KCNQ5: variants seen among roughly 807,000 people sequenced by gnomAD.
KCNQ5 encodes the protein potassium voltage-gated channel subfamily KQT member 5.
Under a neutral mutation model 98.2 loss-of-function variants are expected in KCNQ5, and 30 were observed. The ratio of observed to expected loss-of-function variants is 0.31; its 90% CI spans 0.23 to 0.41. The LOEUF (loss-of-function observed/expected upper bound fraction) is 0.41, where lower values mean the gene tolerates loss of function less well. KCNQ5 is among the 10% of genes least tolerant of loss of function. KCNQ5 has a pLI of 1.00. For synonymous variants in KCNQ5, 458 were observed against 449.4 expected (o/e 1.02, Z -0.24); for missense variants, 835 against 1,182.5 (o/e 0.71, Z 4.31).
chr6:72,864,013 A>AGGGATTGCAGC (rs1299624722), intron 1 of KCNQ5, among the ~76,000 whole-genome samples: 3 of 152,154 alleles, frequency 2.0e-5, no homozygotes, highest in African/African-American at 7.2e-5. Context: ...GGCATTGCAG[A>AGGGATTGCAGC]GGGATTGCAG....
At chr6:72,972,988 A>T (rs1767977648) in intron 1 of KCNQ5, among the ~76,000 whole-genome samples, 1 of 152,134 alleles carries the variant, frequency 6.6e-6, no homozygotes. Context: ...ACTAAACTAA[A>T]CTCTAGGCCT....
At chr6:72,774,554 AAAG>A (rs1773067595) in intron 1 of KCNQ5, among the ~76,000 whole-genome samples, 1 of 152,122 alleles carries the variant, frequency 6.6e-6, no homozygotes, top group Non-Finnish European at 1.5e-5. Flanking sequence ...CCACACGGTG[AAAG>A]AAGATATTCA....
intron 1 of KCNQ5, among the ~76,000 whole-genome samples, chr6:72,635,929 A>G (rs1325287105): frequency 1.3e-5 from 2 of 151,442 alleles, no homozygotes; most frequent in African/African-American, 4.8e-5. Flanking sequence ...TAAGGGGAGA[A>G]CCCTATTTTT....
rs76175462 is a variant in KCNQ5, at chr6:72,655,326, A to G, written c.398+32739A>G. On this transcript the variant is annotated intron_variant, in intron 1 of 13. Transcript: ENST00000370398. ...TATTGACTTCCCATTTTTTAGCACT[A>G]TGTTAGGTGCTACAGACCACAAGCT... is the stretch of plus-strand genomic sequence containing the variant. 6.3e-4 allele frequency among the ~76,000 whole-genome samples: 96 copies of G among 152,128 alleles called. No individual in the cohort carries two copies. In the East Asian group the frequency reaches 0.015, roughly 23 times the overall value.
At chr6:72,660,275 T>C (rs1006198260) in intron 1 of KCNQ5, among the ~76,000 whole-genome samples, 5 of 152,216 alleles carry the variant, frequency 3.3e-5, no homozygotes, top group African/African-American at 7.2e-5. Flanking sequence ...TATAGAAAGA[T>C]TGAACAATTT....
chr6:73,062,274 C>A (rs181721941), intron 3 of KCNQ5, among the ~76,000 whole-genome samples: 19 of 152,264 alleles, frequency 1.2e-4, no homozygotes, highest in African/African-American at 4.3e-4. Context: ...CCTTGTATTT[C>A]TTCTGTCATA....
At chr6:72,691,698 G>A (rs1768220950) in intron 1 of KCNQ5, among the ~76,000 whole-genome samples, 1 of 152,200 alleles carries the variant, frequency 6.6e-6, no homozygotes, top group South Asian at 2.1e-4. Context: ...ATTTTGGACA[G>A]ATGTCCTTAT....
chr6:73,061,842 G>C (rs557486019), intron 3 of KCNQ5, among the ~76,000 whole-genome samples: 1 of 152,214 alleles, frequency 6.6e-6, no homozygotes, highest in South Asian at 2.1e-4. Flanking sequence ...GTAGCAAACA[G>C]AATCATAAAA....
At chr6:72,971,671 A>C (rs1248956970) in intron 1 of KCNQ5, among the ~76,000 whole-genome samples, 1 of 152,234 alleles carries the variant, frequency 6.6e-6, no homozygotes, top group East Asian at 1.9e-4. Context: ...TAAAATGATG[A>C]GTTCATGTCC....
At chr6:72,884,244 T>G (rs1356297645) in intron 1 of KCNQ5, among the ~76,000 whole-genome samples, 1 of 152,198 alleles carries the variant, frequency 6.6e-6, no homozygotes, top group Non-Finnish European at 1.5e-5. Context: ...CAAATCCTGG[T>G]AAAAACTACT....
intron 1 of KCNQ5, among the ~76,000 whole-genome samples, chr6:72,860,836 CAT>C (rs1491340207): frequency 2.5e-5 from 3 of 119,278 alleles, no homozygotes; most frequent in East Asian, 4.4e-4. Context: ...CCTTTTAAGG[CAT>C]GTGTGTGTGT....
At chr6:72,634,787 C>T (rs1245442327) in intron 1 of KCNQ5, among the ~76,000 whole-genome samples, 1 of 152,076 alleles carries the variant, frequency 6.6e-6, no homozygotes, top group Non-Finnish European at 1.5e-5. Context: ...AGGCTGGTCT[C>T]GAACTCCTGA....
At chr6:72,633,989 AC>A (rs540986818) in intron 1 of KCNQ5, among the ~76,000 whole-genome samples, 57 of 152,340 alleles carry the variant, frequency 3.7e-4, no homozygotes, top group Middle Eastern at 6.8e-3. Flanking sequence ...AGAATTTTTG[AC>A]TAAGTCCCCA....
intron 2 of KCNQ5, among the ~76,000 whole-genome samples, chr6:73,031,024 G>A (rs1008263361): frequency 6.6e-6 from 1 of 152,168 alleles, no homozygotes; most frequent in Non-Finnish European, 1.5e-5. Flanking sequence ...GCTCCACCCT[G>A]AAGTTCCATT....
intron 1 of KCNQ5, among the ~76,000 whole-genome samples, chr6:72,897,732 A>G (rs1176890412): frequency 6.6e-6 from 1 of 152,206 alleles, no homozygotes; most frequent in Admixed American, 6.5e-5. Flanking sequence ...CTGTGGCTCC[A>G]TTAGGACAGG....
intron 1 of KCNQ5, among the ~76,000 whole-genome samples, chr6:72,689,890 G>C (rs1306787161): frequency 6.6e-6 from 1 of 151,710 alleles, no homozygotes; most frequent in African/African-American, 2.4e-5. Context: ...CTTCTGTTTC[G>C]AGAGTTATTT....
chr6:72,899,200 T>C (rs1355777521), intron 1 of KCNQ5, among the ~76,000 whole-genome samples: 2 of 152,246 alleles, frequency 1.3e-5, no homozygotes, highest in African/African-American at 4.8e-5. Flanking sequence ...TTTCATGGCC[T>C]GATATTTCAT....
At chr6:72,733,106 GA>G (rs1378252453) in intron 1 of KCNQ5, among the ~76,000 whole-genome samples, 2 of 152,192 alleles carry the variant, frequency 1.3e-5, no homozygotes, top group Non-Finnish European at 2.9e-5. Flanking sequence ...TTGAACTTAG[GA>G]AAAGAACTGG....
At chr6:73,167,987 A>C (rs539056745) in intron 10 of KCNQ5, among the ~76,000 whole-genome samples, 10 of 152,258 alleles carry the variant, frequency 6.6e-5, no homozygotes, top group African/African-American at 1.7e-4. Flanking sequence ...AAATTTCAAA[A>C]AATAACACTA....
Sources: allele counts gnomAD v4.1 joint callset (sites outside exome capture counted in the v4.1 genomes callset), GRCh38; gene constraint gnomAD v4.1.1; transcripts MANE v1.5; gene names NCBI Gene and HGNC (gene_info 2026-07-23, HGNC 2026-07-21).